DLGAP2: variants seen among roughly 807,000 people sequenced by gnomAD.
The protein encoded by DLGAP2 is disks large-associated protein 2.
A neutral mutation model predicts 100.3 loss-of-function variants in DLGAP2; 26 were observed. The observed-to-expected ratio is 0.26, with a 90% confidence interval of 0.19 to 0.36. DLGAP2 has a LOEUF of 0.36. DLGAP2 is among the 10% of genes least tolerant of loss of function. The probability of loss-of-function intolerance (pLI) is 1.00; values close to 1 mark genes in which losing one functional copy is unlikely to be tolerated. For synonymous variants in DLGAP2, 886 were observed against 630.1 expected, an observed-to-expected ratio of 1.41 and a Z score of -6.08; for missense variants, 1,858 against 1,453.2, an observed-to-expected ratio of 1.28 and a Z score of -4.53.
At chr8:1,513,890 T>C (rs956968326) in intron 4 of DLGAP2, among the ~76,000 whole-genome samples, 1 of 152,160 alleles carries the variant, frequency 6.6e-6, no homozygotes, top group Non-Finnish European at 1.5e-5. Context: ...TTGCCTTCCT[T>C]CCCTCCTTCA....
chr8:774,057 G>A (rs1821442057), intron 1 of DLGAP2, among the ~76,000 whole-genome samples: 2 of 152,290 alleles, frequency 1.3e-5, no homozygotes, highest in South Asian at 4.1e-4. Flanking sequence ...GTGTGAGATG[G>A]TGTCTCATTG....
intron 3 of DLGAP2, among the ~76,000 whole-genome samples, chr8:1,388,939 A>G (rs1392799257): frequency 5.7e-4 from 64 of 111,910 alleles, no homozygotes; most frequent in African/African-American, 2.0e-3. Flanking sequence ...CGCTGGTTCA[A>G]GTGTCAGGGC....
chr8:830,588 T>C (rs1465701718), intron 1 of DLGAP2, among the ~76,000 whole-genome samples: 1 of 152,214 alleles, frequency 6.6e-6, no homozygotes. Context: ...TGCGATTCTA[T>C]TTATTTAAGT....
intron 10 of DLGAP2, among the ~76,000 whole-genome samples, chr8:1,672,560 A>G (rs1361007446): frequency 6.6e-6 from 1 of 152,190 alleles, no homozygotes; most frequent in Non-Finnish European, 1.5e-5. Context: ...TGATCTCACC[A>G]GGTTGTGAGA....
intron 6 of DLGAP2, among the ~76,000 whole-genome samples, chr8:1,588,378 G>A (rs745617606): frequency 5.9e-5 from 9 of 152,180 alleles, no homozygotes; most frequent in South Asian, 2.1e-4. Context: ...AGTAGAACCC[G>A]GTGCTAACCT....
chr8:1,477,230 C>T (rs1337972181), intron 3 of DLGAP2, among the ~76,000 whole-genome samples: 1 of 152,226 alleles, frequency 6.6e-6, no homozygotes, highest in Non-Finnish European at 1.5e-5. Context: ...CACCCACCCT[C>T]TTTGCCTAGG....
At chr8:838,968 A>G (rs1178561920) in intron 1 of DLGAP2, among the ~76,000 whole-genome samples, 1 of 152,186 alleles carries the variant, frequency 6.6e-6, no homozygotes, top group Non-Finnish European at 1.5e-5. Flanking sequence ...AGATGCTCAA[A>G]ATTCTCATCA....
intron 1 of DLGAP2, among the ~76,000 whole-genome samples, chr8:845,460 T>A (rs1384194171): frequency 6.6e-6 from 1 of 152,236 alleles, no homozygotes; most frequent in African/African-American, 2.4e-5. Flanking sequence ...TTTGTATATC[T>A]CCTTTGGGAG....
At chr8:805,187 C>A (rs1796244682) in intron 1 of DLGAP2, among the ~76,000 whole-genome samples, 1 of 152,170 alleles carries the variant, frequency 6.6e-6, no homozygotes, top group African/African-American at 2.4e-5. Context: ...ATTTATAATG[C>A]CCAGAATAAT....
At chr8:1,024,839 A>T (rs1019683500) in intron 2 of DLGAP2, among the ~76,000 whole-genome samples, 1 of 152,152 alleles carries the variant, frequency 6.6e-6, no homozygotes, top group Non-Finnish European at 1.5e-5. Context: ...CATTTTGAAG[A>T]ACCGAGATGT....
intron 1 of DLGAP2, among the ~76,000 whole-genome samples, chr8:806,602 G>A (rs1585884622): frequency 6.6e-6 from 1 of 152,186 alleles, no homozygotes; most frequent in East Asian, 1.9e-4. Flanking sequence ...CCCGGAACAG[G>A]CTTCCTTGCT....
intron 1 of DLGAP2, among the ~76,000 whole-genome samples, chr8:796,916 T>TTC (rs5888814): frequency 0.23 from 34,557 of 152,060 alleles, 4,794 homozygotes; most frequent in Admixed American, 0.42. Flanking sequence ...CTACTTATCT[T>TTC]TCAAAACACA....
intron 1 of DLGAP2, among the ~76,000 whole-genome samples, chr8:807,036 A>G (rs1298770295): frequency 6.6e-6 from 1 of 152,116 alleles, no homozygotes; most frequent in Non-Finnish European, 1.5e-5. Context: ...GAAAACCTCA[A>G]ATAATTCTTG....
At chr8:1,141,056 G>T (rs1297986984) in intron 2 of DLGAP2, among the ~76,000 whole-genome samples, 1 of 152,132 alleles carries the variant, frequency 6.6e-6, no homozygotes, top group Admixed American at 6.5e-5. Context: ...TGGTTTCCTT[G>T]GGTCTGTCTT....
chr8:1,554,739 C>T (rs900850463), intron 5 of DLGAP2, among the ~76,000 whole-genome samples: 1 of 152,128 alleles, frequency 6.6e-6, no homozygotes, highest in Non-Finnish European at 1.5e-5. Flanking sequence ...TGTTCCAGAA[C>T]TTGGCAAGCA....
chr8:1,450,619 C>G (rs1268559552), intron 3 of DLGAP2, among the ~76,000 whole-genome samples: 3 of 151,722 alleles, frequency 2.0e-5, no homozygotes, highest in African/African-American at 2.4e-5. Flanking sequence ...ACCTTTTTTC[C>G]TTTCCAAACT....
intron 2 of DLGAP2, among the ~76,000 whole-genome samples, chr8:1,175,961 T>A (rs1479379104): frequency 1.3e-5 from 2 of 152,220 alleles, no homozygotes; most frequent in African/African-American, 4.8e-5. Flanking sequence ...GATTCGCAGA[T>A]GTGGGAGCTG....
chr8:1,243,797 T>C (rs766438197), intron 2 of DLGAP2, among the ~76,000 whole-genome samples: 6 of 152,292 alleles, frequency 3.9e-5, no homozygotes, highest in South Asian at 2.1e-4. Context: ...CCTGCCACCA[T>C]TGAAACCTTC....
intron 3 of DLGAP2, among the ~76,000 whole-genome samples, chr8:1,466,154 G>T (rs1798620182): frequency 6.6e-6 from 1 of 152,182 alleles, no homozygotes; most frequent in Non-Finnish European, 1.5e-5. Context: ...AGTCAAGTGT[G>T]CTCTTGACCC....
Sources: gnomAD v4.1 joint callset for allele counts (sites outside exome capture counted in the v4.1 genomes callset) on GRCh38, gnomAD v4.1.1 for gene constraint, MANE v1.5 for transcripts, NCBI Gene and HGNC (gene_info 2026-07-23, HGNC 2026-07-21) for gene names.